The following ARHGEF3 variants were observed in gnomAD, a reference collection of about 807,000 sequenced individuals.
The protein encoded by ARHGEF3 is 59.8 kDA protein.
A neutral mutation model predicts 63.2 loss-of-function variants in ARHGEF3; 28 were observed. The observed-to-expected ratio is 0.44, with a 90% confidence interval of 0.33 to 0.61. ARHGEF3 has a LOEUF of 0.61. Among genes scored for constraint, ARHGEF3 ranks in the 20% least tolerant of loss-of-function variants. The pLI is 0.03. For missense variants in ARHGEF3, 533 were observed against 659.3 expected, an observed-to-expected ratio of 0.81 and a Z score of 2.10; for synonymous variants, 266 against 254.2, an observed-to-expected ratio of 1.05 and a Z score of -0.44.
At chr3:56,769,603 A>C (rs1398376600) in intron 2 of ARHGEF3, among the ~76,000 whole-genome samples, 1 of 152,204 alleles carries the variant, frequency 6.6e-6, no homozygotes, top group Non-Finnish European at 1.5e-5. Context: ...AGGACCACTC[A>C]CATGTGTGAC....
At chr3:56,996,979 T>G (rs1560117940) in intron 2 of ARHGEF3, among the ~76,000 whole-genome samples, 5 of 151,882 alleles carry the variant, frequency 3.3e-5, no homozygotes, top group African/African-American at 4.8e-5. Flanking sequence ...CAATTATTCT[T>G]CTTCCAATGT....
chr3:57,018,635 T>TA (rs770686000), intron 2 of ARHGEF3, among the ~76,000 whole-genome samples: 61 of 152,352 alleles, frequency 4.0e-4, no homozygotes, highest in Non-Finnish European at 6.9e-4. Flanking sequence ...AAAGTTATGC[T>TA]AAAGTGTTCA....
At chr3:56,786,080 C>CCT (rs1287608958) in intron 1 of ARHGEF3, among the ~76,000 whole-genome samples, 1 of 152,102 alleles carries the variant, frequency 6.6e-6, no homozygotes, top group African/African-American at 2.4e-5. Context: ...CCATGTGTGT[C>CCT]CTCAGGAGCA....
chr3:56,768,491 G>T (rs1559921612), intron 2 of ARHGEF3, among the ~76,000 whole-genome samples: 1 of 151,920 alleles, frequency 6.6e-6, no homozygotes. Context: ...GCCTAAATAT[G>T]TGTTAATAGG....
chr3:56,873,575 C>T (rs1224086462), intron 4 of ARHGEF3, among the ~76,000 whole-genome samples: 1 of 152,040 alleles, frequency 6.6e-6, no homozygotes, highest in Non-Finnish European at 1.5e-5. Flanking sequence ...TTTTTAATGG[C>T]TACATAAATT....
intron 3 of ARHGEF3, among the ~76,000 whole-genome samples, chr3:56,915,120 T>A (rs76745803): frequency 0.015 from 2,218 of 152,152 alleles, 52 homozygotes; most frequent in African/African-American, 0.05. Flanking sequence ...ATAGTTCTGA[T>A]GAGAAGAATA....
intron 2 of ARHGEF3, among the ~76,000 whole-genome samples, chr3:56,995,653 G>GAGAC: frequency 8.1e-6 from 1 of 122,944 alleles, no homozygotes. Flanking sequence ...GAGAGAGAGA[G>GAGAC]AGAGAGAGAG....
chr3:56,868,599 G>A (rs1223505756), intron 4 of ARHGEF3, among the ~76,000 whole-genome samples: 3 of 152,152 alleles, frequency 2.0e-5, no homozygotes, highest in African/African-American at 7.2e-5. Context: ...CTGGCCTCAG[G>A]TGATCTGCCT....
chr3:56,984,875 G>C (rs1701472713), intron 2 of ARHGEF3, among the ~76,000 whole-genome samples: 2 of 152,170 alleles, frequency 1.3e-5, no homozygotes, highest in South Asian at 4.1e-4. Context: ...GATCCTTCCA[G>C]GATCCTTGGT....
chr3:56,859,440 G>A (rs2039993502), intron 4 of ARHGEF3, among the ~76,000 whole-genome samples: 1 of 150,922 alleles, frequency 6.6e-6, no homozygotes, highest in Non-Finnish European at 1.5e-5. Context: ...TGCTCAGCCT[G>A]TATTATTGTT....
chr3:57,017,704 G>A (rs1025463785), intron 2 of ARHGEF3, among the ~76,000 whole-genome samples: 2 of 152,272 alleles, frequency 1.3e-5, no homozygotes, highest in African/African-American at 2.4e-5. Context: ...ATGTCGTCAC[G>A]GCTGCCCAAG....
chr3:56,969,843 C>A (rs1320959159), intron 2 of ARHGEF3, among the ~76,000 whole-genome samples: 1 of 151,124 alleles, frequency 6.6e-6, no homozygotes, highest in Non-Finnish European at 1.5e-5. Context: ...ATCCATACAA[C>A]AGAATATTAT....
intron 3 of ARHGEF3, among the ~76,000 whole-genome samples, chr3:56,957,385 G>A (rs567447298): frequency 3.3e-5 from 5 of 152,290 alleles, no homozygotes; most frequent in East Asian, 1.9e-4. Context: ...AACTTGAAAC[G>A]CAATCTAAAG....
intron 2 of ARHGEF3, among the ~76,000 whole-genome samples, chr3:56,968,205 AAAATATATATT>A (rs1200740591): frequency 0.015 from 304 of 20,848 alleles, no homozygotes; most frequent in Admixed American, 0.02. Flanking sequence ...ATAATATATA[AAAATATATATT>A]ATATATAATA....
intron 2 of ARHGEF3, among the ~76,000 whole-genome samples, chr3:57,030,089 C>A (rs1703669987): frequency 6.6e-6 from 1 of 152,194 alleles, no homozygotes; most frequent in Non-Finnish European, 1.5e-5. Flanking sequence ...CTATACAAAC[C>A]AGCCTAACCC....
intron 2 of ARHGEF3, among the ~76,000 whole-genome samples, chr3:56,992,407 A>AAAAAAAAAAAAC (rs1553799653): frequency 4.3e-5 from 5 of 116,178 alleles, no homozygotes; most frequent in Admixed American, 8.6e-5. Flanking sequence ...AAAAAAAAAA[A>AAAAAAAAAAAAC]AAAAAAACAG....
intron 2 of ARHGEF3, among the ~76,000 whole-genome samples, chr3:56,766,673 G>C (rs2035721426): frequency 6.6e-6 from 1 of 152,186 alleles, no homozygotes; most frequent in South Asian, 2.1e-4. Flanking sequence ...TATCTTGAGG[G>C]ATATCACAGC....
intron 2 of ARHGEF3, among the ~76,000 whole-genome samples, chr3:56,984,862 AAGGATCCTTCC>A (rs1038743719): frequency 4.6e-5 from 7 of 152,172 alleles, no homozygotes; most frequent in African/African-American, 1.7e-4. Flanking sequence ...GACAGTAGAA[AAGGATCCTTCC>A]AGGATCCTTG....
At chr3:56,755,931 A>G (rs1197469743) in intron 2 of ARHGEF3, among the ~76,000 whole-genome samples, 1 of 152,214 alleles carries the variant, frequency 6.6e-6, no homozygotes, top group Non-Finnish European at 1.5e-5. Context: ...GCCTGAAACC[A>G]GAAAGAACCA....
Sources: allele counts gnomAD v4.1 joint callset (sites outside exome capture counted in the v4.1 genomes callset), GRCh38; gene constraint gnomAD v4.1.1; transcripts MANE v1.5; gene names NCBI Gene and HGNC (gene_info 2026-07-23, HGNC 2026-07-21).